Variants in ACHE observed in about 807,000 individuals in gnomAD.
ACHE encodes the protein acetylcholinesterase (Yt blood group).
In ACHE, 19 loss-of-function variants were observed where a neutral mutation model predicts 53.9. That is an observed-to-expected ratio of 0.35 (90% CI 0.25 to 0.52). The LOEUF (loss-of-function observed/expected upper bound fraction) is 0.52. ACHE is among the 20% of genes least tolerant of loss of function. The probability of loss-of-function intolerance (pLI) is 0.95; values close to 1 mark genes in which losing one functional copy is unlikely to be tolerated. For synonymous variants in ACHE, 392 were observed against 378.1 expected, an observed-to-expected ratio of 1.04 and a Z score of -0.43; for missense variants, 605 against 849.4, an observed-to-expected ratio of 0.71 and a Z score of 3.58.
At chr7:100,894,786 C>T (rs972487969) in intron 1 of ACHE, among the ~76,000 whole-genome samples, 4 of 152,182 alleles carry the variant, frequency 2.6e-5, no homozygotes, top group South Asian at 2.1e-4. Context: ...TAGTCCACTC[C>T]CCACCCAACC....
chr7:100,890,036 C>T lies in ACHE; in HGVS notation c.*178G>A. ...TGGCAGCCCAGAGGGGCGAAGGCACCGCGGGGGAGGGAGCTCAGCCTGAGA... is the reference window on the plus strand; with the variant it reads ...TGGCAGCCCAGAGGGGCGAAGGCACTGCGGGGGAGGGAGCTCAGCCTGAGA... On this transcript the variant is annotated 3_prime_UTR_variant, in exon 5 of 5. Coordinates refer to ENST00000241069, the MANE Select transcript of ACHE (RefSeq NM_000665.5). The T allele has an allele frequency of 1.4e-6, 1 of 706,722 alleles. No homozygotes were observed. Among genetic ancestry groups the T allele is most frequent in the Non-Finnish European group, 2.2e-6 (1 of 445,778 alleles). 43.8% of individuals were successfully genotyped at this position (706,722 alleles called of 1,614,324 possible). A position where few individuals can be genotyped will look rare whatever the true frequency, so the allele number is the denominator to read the frequency against.
At chr7:100,894,304 G>T in intron 1 of ACHE, 52 bp from the exon 2 acceptor site, 1 of 1,315,100 alleles carries the variant, frequency 7.6e-7, no homozygotes, top group Non-Finnish European at 9.9e-7. Context: ...GAAGCCAGGA[G>T]GGAGGAGATT....
At position 100,892,922 on chromosome 7, in the gene ACHE, G is replaced by T; in HGVS notation, c.1069-104C>A. The T allele has an allele frequency of 7.2e-7, 1 of 1,392,388 alleles. No individual in the cohort carries two copies. Among genetic ancestry groups the T allele is most frequent in the Non-Finnish European group, 9.5e-7 (1 of 1,049,360 alleles). The allele number at this position is 1,392,388 out of a possible 1,614,324, so 86.3% of individuals were successfully genotyped here. ...AGAGCCAGAGAGATGAACAGTTACA[G>T]ACCCGGAACCATGGACAGAGAGAGG... On this transcript the variant is annotated intron_variant, in intron 2 of 4. Transcript: ENST00000241069. The surrounding 1 kb of genome is among the most constrained non-coding windows in gnomAD (Gnocchi z 5.2).
In ACHE at chr7:100,890,056, C is replaced by T; in HGVS notation, c.*158G>A. 2 of 864,862 alleles carry T rather than the reference C, an allele frequency of 2.3e-6. No individual in the cohort carries two copies. Among genetic ancestry groups the T allele is most frequent in the Non-Finnish European group, 3.4e-6 (2 of 580,264 alleles). 53.6% of individuals were successfully genotyped at this position (864,862 alleles called of 1,614,324 possible). A position where few individuals can be genotyped will look rare whatever the true frequency, so the allele number is the denominator to read the frequency against. On this transcript the variant is annotated 3_prime_UTR_variant, in exon 5 of 5. Transcript: ENST00000241069. ...GGCACCGCGGGGGAGGGAGCTCAGC[C>T]TGAGACATGCAGAGGACCGGGAGCC...
At chr7:100,891,885 A>G (rs910471624) in intron 3 of ACHE, among the ~76,000 whole-genome samples, 7 of 150,210 alleles carry the variant, frequency 4.7e-5, no homozygotes, top group Non-Finnish European at 8.8e-5. Flanking sequence ...GGCTCAAGCA[A>G]TCCTCCTGCC....
chr7:100,890,915 A>C, intron 4 of ACHE: 1 of 1,476,266 alleles, frequency 6.8e-7, no homozygotes, highest in Non-Finnish European at 9.0e-7. Context: ...CCGACCACTC[A>C]TTAGAGGAGG....
At chr7:100,895,948 C>A (rs1175072332), upstream of ACHE, 35 of 146,998 alleles carry the variant, frequency 2.4e-4, no homozygotes, top group East Asian at 6.1e-3. Context: ...CCCCCGCCCG[C>A]CCCCGCCCAC....
At position 100,893,393 on chromosome 7, in the gene ACHE, C is replaced by T. The variant is rs147370685; in HGVS notation, c.840G>A (p.Thr280=). Residue 280 remains threonine, a synonymous_variant, in exon 2 of 5, where the codon ACG becomes ACA. Transcript: ENST00000241069. ...VGMGEARRRA[T]QLAHLVGCPP... is the part of the protein sequence containing the mutation. ...GACAGCCCACAAGGTGGGCCAGCTGCGTGGCCCTGCGACGGGCCTCTCCCA... is the reference window on the plus strand; with the variant it reads ...GACAGCCCACAAGGTGGGCCAGCTGTGTGGCCCTGCGACGGGCCTCTCCCA... The T allele has an allele frequency of 1.8e-4, 293 of 1,612,770 alleles. 5 individuals carry two copies. In the South Asian group the frequency reaches 2.0e-3, roughly 11 times the overall value.
rs867493761 is a variant in ACHE at position 100,893,581 on chromosome 7, C to T, written c.652G>A (p.Val218Met). ...RLALQWVQEN[V>M]AAFGGDPTSV... ...GTCGGGTCACCCCCGAAGGCTGCCA[C>T]GTTCTCCTGCACCCACTGCAGGGCC... The change falls in exon 2 of 5, where the codon GTG (valine) becomes ATG (methionine). Residue 218 changes from valine (V) to methionine (M), a missense_variant. This residue lies in a region of ACHE where 397 missense variants were observed against 632.5 expected (regional missense o/e 0.63). Coordinates refer to ENST00000241069, the MANE Select transcript of ACHE (RefSeq NM_000665.5). 7 of 1,612,368 alleles carry T rather than the reference C, an allele frequency of 4.3e-6. No individual in the cohort carries two copies. The highest frequency in any genetic ancestry group is 5.9e-6 in the Non-Finnish European group (7 of 1,180,014).
chr7:100,892,291 G>A lies in ACHE; in HGVS notation c.1553+43C>T, dbSNP rs367893261. 13 of 1,465,766 alleles carry A rather than the reference G, an allele frequency of 8.9e-6. No individual in the cohort carries two copies. Among genetic ancestry groups the A allele is most frequent in the Admixed American group, 2.4e-5 (1 of 42,080 alleles). 90.8% of individuals were successfully genotyped at this position (1,465,766 alleles called of 1,614,324 possible). A position where few individuals can be genotyped will look rare whatever the true frequency, so the allele number is the denominator to read the frequency against. ...TGCCTTTGTGTGTCCTCCCGCCCCCGACTCCTGTCCTCCCCAGCCTTCTCT... is the reference window on the plus strand; with the variant it reads ...TGCCTTTGTGTGTCCTCCCGCCCCCAACTCCTGTCCTCCCCAGCCTTCTCT... On this transcript the variant is annotated intron_variant, in intron 3 of 4. Transcript: ENST00000241069. The surrounding 1 kb of genome is among the most constrained non-coding windows in gnomAD (Gnocchi z 5.2).
At chr7:100,891,442 A>G in intron 3 of ACHE, 104 bp from the exon 4 acceptor site, 1 of 1,167,856 alleles carries the variant, frequency 8.6e-7, no homozygotes, top group Non-Finnish European at 1.1e-6. Context: ...GCCCCAGAGA[A>G]CCCGTCCCCT....
rs2115963540 is a variant in ACHE at position 100,890,542 on chromosome 7, G to A, written c.1724-207C>T. ...TGAGGGCAGAGGCGGGGCCGGAGAA[G>A]GACAGCAGGAAGGAGAGAGGAGGAG... is the stretch of plus-strand genomic sequence containing the variant. On this transcript the variant is annotated intron_variant, in intron 4 of 4. Transcript: ENST00000241069. The A allele has an allele frequency of 4.2e-6, 6 of 1,413,532 alleles. No individual in the cohort carries two copies. The South Asian group carries it at 4.5e-5, about 11-fold the overall frequency. 87.6% of individuals were successfully genotyped at this position (1,413,532 alleles called of 1,614,324 possible).
At position 100,891,234 on chromosome 7, in the gene ACHE, C is replaced by A. The variant is rs768786089; in HGVS notation, c.1658G>T (p.Arg553Leu). Residue 553 changes from arginine to leucine, a missense_variant, in exon 4 of 5, where the codon CGG becomes CTG. Physicochemically the swap from Arg to Leu is moderately radical, Grantham distance 102. Around this residue, in one of 4 missense-constraint regions of ACHE, gnomAD observed 91 missense variants for 83.2 expected, o/e 1.09. Coordinates refer to ENST00000241069, the MANE Select transcript of ACHE (RefSeq NM_000665.5). The part of the protein sequence containing the change: ...SLDLRPLEVR[R>L]GLRAQACAFW... ...GGCGCAGGCCTGGGCGCGCAGCCCC[C>A]GCCGCACCTCCAGCGGCCGCAGGTC... The A allele has an allele frequency of 1.2e-6, 2 of 1,611,434 alleles. No homozygotes were observed. Among genetic ancestry groups the A allele is most frequent in the Non-Finnish European group, 1.7e-6 (2 of 1,179,612 alleles).
Position 100,894,108 on chromosome 7 carries a change from G to C in ACHE, c.125C>G (p.Thr42Arg). ...GCCCCGCAGCCGGCCCCCACGCACC[G>C]TCACCAGCAGCTCTGCATCCTCCCG... ...EGREDAELLV[T>R]VRGGRLRGIR... is the part of the protein sequence containing the mutation. The change falls in exon 2 of 5, where the codon ACG becomes AGG. Residue 42 changes from threonine to arginine, a missense_variant. By Grantham distance (71) the Thr-to-Arg change is moderately conservative. Around this residue, in one of 4 missense-constraint regions of ACHE, gnomAD observed 89 missense variants for 78.9 expected, o/e 1.13. Coordinates refer to ENST00000241069, the MANE Select transcript of ACHE (RefSeq NM_000665.5). 1 of 1,508,470 alleles carries C rather than the reference G, an allele frequency of 6.6e-7. No individual in the cohort carries two copies. The highest frequency in any genetic ancestry group is 2.3e-5 in the East Asian group (1 of 43,022). The allele number at this position is 1,508,470 out of a possible 1,614,324, so 93.4% of individuals were successfully genotyped here.
intron 2 of ACHE, 136 bp downstream of exon 2, chr7:100,893,028 AT>A (rs1395396198): frequency 1.7e-6 from 2 of 1,203,214 alleles, no homozygotes; most frequent in African/African-American, 3.1e-5. Flanking sequence ...CCACCCTGGG[AT>A]CTGAGCCCTC....
At chr7:100,891,508 C>G (rs1790695377) in intron 3 of ACHE, among the ~76,000 whole-genome samples, 170 bp from the exon 4 acceptor site, 1 of 152,054 alleles carries the variant, frequency 6.6e-6, no homozygotes, top group Non-Finnish European at 1.5e-5. Flanking sequence ...CTTCCTCAAG[C>G]GCTCCGTCTC....
At chr7:100,890,356 G>C (rs1023801833) in intron 4 of ACHE, 21 bp from the exon 5 acceptor site, 20 of 1,598,686 alleles carry the variant, frequency 1.3e-5, no homozygotes, top group Non-Finnish European at 1.6e-5. Flanking sequence ...GGCGCCCAGC[G>C]AGGCGGGAGG....
At chr7:100,895,641 CG>C (rs1030971365) in intron 1 of ACHE, among the ~76,000 whole-genome samples, 160 bp downstream of exon 1, 10 of 152,254 alleles carry the variant, frequency 6.6e-5, no homozygotes, top group African/African-American at 2.2e-4. Context: ...GTGAGGCGGC[CG>C]GGGAAGAGTT....
chr7:100,893,605 C>T lies in ACHE; in HGVS notation c.628G>A (p.Ala210Thr), dbSNP rs771566026. The change falls in exon 2 of 5, where the codon GCC becomes ACC. Residue 210 changes from alanine to threonine, a missense_variant. Coordinates refer to ENST00000241069, the MANE Select transcript of ACHE (RefSeq NM_000665.5). Reference protein sequence around the residue: ...GNVGLLDQRLALQWVQENVAA... With the variant: ...GNVGLLDQRLTLQWVQENVAA... ...ACGTTCTCCTGCACCCACTGCAGGG[C>T]CAGCCTCTGATCCAGGAGACCCACA... 1 of 1,612,900 alleles carries T rather than the reference C, an allele frequency of 6.2e-7. No individual in the cohort carries two copies. The highest frequency in any genetic ancestry group is 8.5e-7 in the Non-Finnish European group (1 of 1,180,034).
Sources: gnomAD v4.1 joint callset for allele counts (sites outside exome capture counted in the v4.1 genomes callset) on GRCh38, gnomAD v4.1.1 for gene constraint, gnomAD v4.1.1 regional missense constraint, Gnocchi (gnomAD v3.1) non-coding constraint, MANE v1.5 for transcripts, NCBI Gene and HGNC (gene_info 2026-07-23, HGNC 2026-07-21) for gene names.